Variants in TRHDE observed in about 807,000 individuals in gnomAD.
The protein encoded by TRHDE is thyrotropin-releasing hormone-degrading ectoenzyme.
Under a neutral mutation model 125.7 loss-of-function variants are expected in TRHDE, and 72 were observed. The observed-to-expected ratio is 0.57, with a 90% CI of 0.47 to 0.70. The LOEUF is 0.70. TRHDE is among the 30% of genes least tolerant of loss of function. The pLI, the probability that TRHDE is intolerant of heterozygous loss-of-function variation, is 0.00. For missense variants in TRHDE, 1,110 were observed against 1,327.1 expected, an observed-to-expected ratio of 0.84 and a Z score of 2.54; for synonymous variants, 509 against 509.1, an observed-to-expected ratio of 1.00 and a Z score of 0.00.
At chr12:72,520,531 G>A (rs538255753) in intron 6 of TRHDE, among the ~76,000 whole-genome samples, 7 of 152,150 alleles carry the variant, frequency 4.6e-5, no homozygotes, top group East Asian at 1.9e-4. Context: ...ACTGACCTGC[G>A]CCCACTCTCT....
chr12:72,541,895 T>C (rs1834717354), intron 6 of TRHDE, among the ~76,000 whole-genome samples: 1 of 151,538 alleles, frequency 6.6e-6, no homozygotes, highest in South Asian at 2.1e-4. Flanking sequence ...ACTTCAAAGT[T>C]ATATTTTAAT....
chr12:72,378,047 C>A lies in TRHDE; in HGVS notation c.1241C>A (p.Ala414Asp), dbSNP rs1240941064. 2 of 1,607,054 alleles carry A rather than the reference C, an allele frequency of 1.2e-6. No individual in the cohort carries two copies. Among genetic ancestry groups the A allele is most frequent in the Non-Finnish European group, 1.7e-6 (2 of 1,175,632 alleles). Residue 414 changes from alanine (A) to aspartate (D), a missense_variant, in exon 3 of 19, where the codon GCT becomes GAT. Coordinates refer to ENST00000261180, the MANE Select transcript of TRHDE (RefSeq NM_013381.3). ...ATCAGAAGAGGATCCGGGGACTATG[C>A]TCTCCATATAACAAAGAGATTAATA... ...DAIRRGSGDY[A>D]LHITKRLIEF...
At chr12:72,133,798 G>A (rs940203224) in intron 2 of TRHDE, among the ~76,000 whole-genome samples, 14 of 152,056 alleles carry the variant, frequency 9.2e-5, no homozygotes, top group Non-Finnish European at 2.1e-4. Flanking sequence ...TACACTGCTG[G>A]GACTACGAAA....
intron 2 of TRHDE, among the ~76,000 whole-genome samples, chr12:72,249,234 A>G (rs1051247514): frequency 2.0e-5 from 3 of 152,200 alleles, no homozygotes; most frequent in Non-Finnish European, 2.9e-5. Context: ...TTTCAAAGAC[A>G]TTCGTAAGCA....
At chr12:72,564,338 T>C (rs990580781) in intron 9 of TRHDE, among the ~76,000 whole-genome samples, 2 of 152,148 alleles carry the variant, frequency 1.3e-5, no homozygotes, top group African/African-American at 2.4e-5. Flanking sequence ...AGCACAAGCG[T>C]AGGCATCAAC....
At chr12:72,176,452 G>A (rs1391317310) in intron 2 of TRHDE, among the ~76,000 whole-genome samples, 1 of 152,168 alleles carries the variant, frequency 6.6e-6, no homozygotes, top group Non-Finnish European at 1.5e-5. Flanking sequence ...GAGGCTGTGA[G>A]TGTGGGCAAT....
At chr12:72,335,986 G>A (rs1354209101) in intron 2 of TRHDE, among the ~76,000 whole-genome samples, 2 of 152,138 alleles carry the variant, frequency 1.3e-5, no homozygotes, top group Non-Finnish European at 2.9e-5. Flanking sequence ...AATTTAAGAT[G>A]ATTTTTGTTA....
chr12:72,422,097 G>T (rs1002062983), intron 3 of TRHDE, among the ~76,000 whole-genome samples: 1 of 151,818 alleles, frequency 6.6e-6, no homozygotes, highest in Admixed American at 6.6e-5. Context: ...AAATGTTCTG[G>T]GGTTGCTGCT....
At chr12:72,159,617 A>C (rs1295158876) in intron 2 of TRHDE, among the ~76,000 whole-genome samples, 1 of 152,222 alleles carries the variant, frequency 6.6e-6, no homozygotes, top group East Asian at 1.9e-4. Flanking sequence ...TACGTTTGAA[A>C]ATGTTATATC....
At chr12:72,516,295 T>G (rs1878856666) in intron 6 of TRHDE, among the ~76,000 whole-genome samples, 1 of 152,122 alleles carries the variant, frequency 6.6e-6, no homozygotes, top group African/African-American at 2.4e-5. Context: ...GTTCTTCCAT[T>G]TGTTTGTATC....
In TRHDE at chr12:72,401,168, T is replaced by C. The variant is rs147009293; in HGVS notation, c.1315+23047T>C. ...TGATATTTGGCTTTTGGTGGGTATT[T>C]GTCTTGTTTAAAGGCAGATCTCTAT... is the stretch of plus-strand genomic sequence containing the variant. On this transcript the variant is annotated intron_variant, in intron 3 of 18. Coordinates refer to ENST00000261180, the MANE Select transcript of TRHDE (RefSeq NM_013381.3). 1.8e-4 allele frequency among the ~76,000 whole-genome samples: 27 copies of C among 152,294 alleles called. No homozygotes were observed. In the East Asian group the frequency reaches 4.4e-3, roughly 25 times the overall value.
chr12:72,562,200 C>A lies in TRHDE; in HGVS notation c.1824C>A (p.Ala608=). 1 of 1,561,252 alleles carries A rather than the reference C, an allele frequency of 6.4e-7. No individual in the cohort carries two copies. The change falls in exon 8 of 19, where the codon GCC becomes GCA. Residue 608 remains alanine (A), a synonymous_variant. Coordinates refer to ENST00000261180, the MANE Select transcript of TRHDE (RefSeq NM_013381.3). ...YLTIHKYGNA[A]RNDLWNTLSE... ...CCATTCATAAGTATGGTAATGCAGCCAGAAATGATCTCTGGAATACATTAT... is the reference window on the plus strand; with the variant it reads ...CCATTCATAAGTATGGTAATGCAGCAAGAAATGATCTCTGGAATACATTAT...
At position 72,239,683 on chromosome 12, in the gene TRHDE, G is replaced by A. The variant is rs142697438; in HGVS notation, n.279+133931G>A. ...ATTTCCTATGATGTTAGAGATCATC[G>A]ATGGAGCAGGTTTTAGGGGAACTAT... On this transcript the variant is annotated intron_variant and non_coding_transcript_variant, in intron 2 of 4. Coordinates refer to the TRHDE transcript ENST00000548156. Among the ~76,000 whole-genome samples, 1,044 of 152,262 alleles carry A rather than the reference G, an allele frequency of 6.9e-3. 6 individuals carry two copies. Among genetic ancestry groups the A allele is most frequent in the Admixed American group, 0.015 (222 of 15,296 alleles).
At chr12:72,595,590 C>G (rs1308516306) in intron 12 of TRHDE, among the ~76,000 whole-genome samples, 1 of 151,798 alleles carries the variant, frequency 6.6e-6, no homozygotes, top group Non-Finnish European at 1.5e-5. Context: ...ATAATTGTTC[C>G]CTTTTTAAAA....
At chr12:72,299,390 A>G (rs1022413419) in intron 2 of TRHDE, among the ~76,000 whole-genome samples, 16 of 152,154 alleles carry the variant, frequency 1.1e-4, no homozygotes, top group Non-Finnish European at 2.9e-5. Flanking sequence ...GGTCTGGGAG[A>G]TGCTGTTGTT....
intron 3 of TRHDE, among the ~76,000 whole-genome samples, chr12:72,437,122 C>T (rs1321019507): frequency 6.6e-6 from 1 of 151,768 alleles, no homozygotes; most frequent in Non-Finnish European, 1.5e-5. Flanking sequence ...CAAGTTTGGA[C>T]AAGTTTATTA....
chr12:72,390,348 A>T (rs1872572402), intron 3 of TRHDE, among the ~76,000 whole-genome samples: 1 of 152,228 alleles, frequency 6.6e-6, no homozygotes, highest in African/African-American at 2.4e-5. Context: ...CCAAATAGCA[A>T]TCCAAAGCCC....
intron 2 of TRHDE, among the ~76,000 whole-genome samples, chr12:72,136,813 A>T (rs1470013707): frequency 1.3e-5 from 2 of 152,202 alleles, no homozygotes; most frequent in Non-Finnish European, 2.9e-5. Flanking sequence ...TTTTTATGGC[A>T]TATGACCATG....
At chr12:72,640,510 C>A (rs1035898037) in intron 15 of TRHDE, among the ~76,000 whole-genome samples, 1 of 146,888 alleles carries the variant, frequency 6.8e-6, no homozygotes, top group African/African-American at 2.5e-5. Flanking sequence ...TGTTCCTATT[C>A]GGCCATCTTC....
Sources: gnomAD v4.1 joint callset for allele counts (sites outside exome capture counted in the v4.1 genomes callset) on GRCh38, gnomAD v4.1.1 for gene constraint, MANE v1.5 for transcripts, NCBI Gene and HGNC (gene_info 2026-07-23, HGNC 2026-07-21) for gene names.